Variants in TSHZ3 observed in about 807,000 individuals in gnomAD.
TSHZ3 encodes the protein teashirt homolog 3.
TSHZ3 carries 10 observed loss-of-function variants against 64.5 expected under a neutral mutation model. The ratio of observed to expected loss-of-function variants is 0.16; its 90% CI spans 0.10 to 0.26. The LOEUF (loss-of-function observed/expected upper bound fraction) is 0.26, where lower values mean the gene tolerates loss of function less well. TSHZ3 is among the 10% of genes least tolerant of loss of function. The probability of loss-of-function intolerance (pLI) is 1.00; values close to 1 mark genes in which losing one functional copy is unlikely to be tolerated. For missense variants in TSHZ3, 1,242 were observed against 1,421.7 expected (o/e 0.87, Z 2.03); for synonymous variants, 608 against 593.1 (o/e 1.03, Z -0.36).
At chr19:31,340,956 C>G (rs554759255) in intron 1 of TSHZ3, among the ~76,000 whole-genome samples, 2 of 152,262 alleles carry the variant, frequency 1.3e-5, no homozygotes, top group African/African-American at 4.8e-5. Context: ...CACTGTAACA[C>G]ACCTTTTTCT....
chr19:31,189,883 G>T (rs576364273), intron 5 of TSHZ3, among the ~76,000 whole-genome samples: 34 of 152,006 alleles, frequency 2.2e-4, no homozygotes, highest in Non-Finnish European at 4.7e-4. Context: ...GTTTGGAAAC[G>T]TTGTTGTTGT....
chr19:31,320,989 T>G (rs1599646796), intron 1 of TSHZ3, among the ~76,000 whole-genome samples: 1 of 152,314 alleles, frequency 6.6e-6, no homozygotes, highest in South Asian at 2.1e-4. Flanking sequence ...AGCCTCAAGA[T>G]CCATCGTCCA....
rs1166743695 is a variant in TSHZ3, at chr19:31,342,117, AC to A, written c.40+7062del. Among the ~76,000 whole-genome samples, 8 of 152,372 alleles carry A rather than the reference AC, an allele frequency of 5.3e-5. No individual in the cohort carries two copies. The South Asian group carries it at 1.4e-3, about 28-fold the overall frequency. ...TACCATATTACCTTTATTATGTGTA[AC>A]ATCAAAGTGATTATAGCAATTACAT... On this transcript the variant is annotated intron_variant, in intron 1 of 1. Transcript: ENST00000240587.
At chr19:31,299,933 C>T (rs1249241793) in intron 1 of TSHZ3, among the ~76,000 whole-genome samples, 1 of 152,166 alleles carries the variant, frequency 6.6e-6, no homozygotes, top group Admixed American at 6.5e-5. Flanking sequence ...TTTACACGCA[C>T]CCTCACCATG....
chr19:31,292,521 A>G (rs1568371351), intron 1 of TSHZ3, among the ~76,000 whole-genome samples: 1 of 152,166 alleles, frequency 6.6e-6, no homozygotes, highest in African/African-American at 2.4e-5. Flanking sequence ...CCAAAATACT[A>G]AAAGAGCTAT....
At chr19:31,196,744 C>T (rs1974999692) in intron 5 of TSHZ3, among the ~76,000 whole-genome samples, 1 of 151,858 alleles carries the variant, frequency 6.6e-6, no homozygotes, top group South Asian at 2.1e-4. Flanking sequence ...ATGAAGGAGT[C>T]AATTCTCCAA....
At chr19:31,321,658 G>A (rs975939506) in intron 1 of TSHZ3, among the ~76,000 whole-genome samples, 8 of 152,194 alleles carry the variant, frequency 5.3e-5, no homozygotes, top group Non-Finnish European at 1.2e-4. Flanking sequence ...CAGGCCCGAC[G>A]TGGACAGCAG....
intron 1 of TSHZ3, among the ~76,000 whole-genome samples, chr19:31,300,034 A>C (rs1363094871): frequency 6.6e-6 from 1 of 152,156 alleles, no homozygotes; most frequent in Admixed American, 6.5e-5. Context: ...TAAGACAGAG[A>C]AGTATGTGTG....
At chr19:31,175,894 G>A (rs995007701) in intron 5 of TSHZ3, among the ~76,000 whole-genome samples, 2 of 152,228 alleles carry the variant, frequency 1.3e-5, no homozygotes, top group Non-Finnish European at 2.9e-5. Context: ...CAGTACTTGG[G>A]AAGGTTCTGG....
At chr19:31,266,563 C>T (rs1461975435) in intron 1 of TSHZ3, among the ~76,000 whole-genome samples, 1 of 152,140 alleles carries the variant, frequency 6.6e-6, no homozygotes, top group East Asian at 1.9e-4. Context: ...ATTAACACGA[C>T]CCTTTTCATC....
At chr19:31,238,251 G>T (rs1217393073) in intron 3 of TSHZ3, among the ~76,000 whole-genome samples, 2 of 147,028 alleles carry the variant, frequency 1.4e-5, no homozygotes, top group Non-Finnish European at 3.0e-5. Flanking sequence ...TGTTTCCTTC[G>T]TGAATTTTTT....
In TSHZ3 at chr19:31,275,579, C is replaced by T. The variant is rs1224808705; in HGVS notation, c.*968G>A. The T allele has an allele frequency of 2.0e-5, 3 of 152,392 alleles. No homozygotes were observed. The highest frequency in any genetic ancestry group is 1.9e-4 in the East Asian group (1 of 5,190). The allele number at this position is 152,392 out of a possible 1,614,324, so 9.4% of individuals were successfully genotyped here. ...TGATGCCTGCCAGGGATGTCTTTCC[C>T]GGTCTCGTTTATTCAGACTGCTCAA... On this transcript the variant is annotated 3_prime_UTR_variant, in exon 2 of 2. Coordinates refer to ENST00000240587, the MANE Select transcript of TSHZ3 (RefSeq NM_020856.4).
At position 31,338,621 on chromosome 19, in the gene TSHZ3, A is replaced by T. The variant is rs535170446; in HGVS notation, c.40+10559T>A. ...TTAGCATGACACGGAGTTTAAAAAA[A>T]ATCAGACAAGGGTTCTGGCTTCAGC... On this transcript the variant is annotated intron_variant, in intron 1 of 1. Transcript: ENST00000240587. Among the ~76,000 whole-genome samples the T allele has an allele frequency of 3.3e-5, 5 of 150,210 alleles. No homozygotes were observed. The South Asian group carries it at 8.5e-4, about 25-fold the overall frequency.
intron 1 of TSHZ3, among the ~76,000 whole-genome samples, chr19:31,302,128 G>C (rs1309063812): frequency 6.6e-6 from 1 of 152,170 alleles, no homozygotes; most frequent in Non-Finnish European, 1.5e-5. Flanking sequence ...GCAAAAGAGA[G>C]AGCCATGGTG....
chr19:31,223,711 C>T (rs1975420769), intron 4 of TSHZ3, among the ~76,000 whole-genome samples: 1 of 152,096 alleles, frequency 6.6e-6, no homozygotes, highest in South Asian at 2.1e-4. Context: ...GTTTCCTGTC[C>T]TGGAAGAATT....
At chr19:31,247,377 G>T (rs956876028) in intron 1 of TSHZ3, among the ~76,000 whole-genome samples, 1 of 152,148 alleles carries the variant, frequency 6.6e-6, no homozygotes, top group African/African-American at 2.4e-5. Flanking sequence ...CTGACAGGAA[G>T]AACCAAGGAG....
intron 5 of TSHZ3, among the ~76,000 whole-genome samples, chr19:31,197,383 C>G (rs1975008063): frequency 6.6e-6 from 1 of 150,922 alleles, no homozygotes; most frequent in Non-Finnish European, 1.5e-5. Context: ...AATTAATCAT[C>G]TAGGCTTCCA....
intron 1 of TSHZ3, among the ~76,000 whole-genome samples, chr19:31,250,232 T>C (rs1975819371): frequency 6.6e-6 from 1 of 152,232 alleles, no homozygotes; most frequent in African/African-American, 2.4e-5. Flanking sequence ...CAGACATTGT[T>C]ACCCTTGAGT....
At chr19:31,214,714 C>T (rs566764700) in intron 4 of TSHZ3, among the ~76,000 whole-genome samples, 1 of 152,136 alleles carries the variant, frequency 6.6e-6, no homozygotes, top group Non-Finnish European at 1.5e-5. Flanking sequence ...CGAGACCATC[C>T]TGGCTAACAC....
Sources: gnomAD v4.1 joint callset for allele counts (sites outside exome capture counted in the v4.1 genomes callset) on GRCh38, gnomAD v4.1.1 for gene constraint, MANE v1.5 for transcripts, NCBI Gene and HGNC (gene_info 2026-07-23, HGNC 2026-07-21) for gene names.